Variants in ACTN4 observed in about 807,000 individuals in gnomAD.
The protein encoded by ACTN4 is alpha-actinin-4.
Under a neutral mutation model 114.2 loss-of-function variants are expected in ACTN4, and 18 were observed. That is an observed-to-expected ratio of 0.16 (90% CI 0.11 to 0.23). The LOEUF (loss-of-function observed/expected upper bound fraction) is 0.23, where lower values mean the gene tolerates loss of function less well. ACTN4 is among the 10% of genes least tolerant of loss of function. The probability of loss-of-function intolerance (pLI) is 1.00; values close to 1 mark genes in which losing one functional copy is unlikely to be tolerated. For synonymous variants in ACTN4, 515 were observed against 506.3 expected (o/e 1.02, Z -0.23); for missense variants, 722 against 1,262.9 (o/e 0.57, Z 6.49).
Position 38,730,686 on chromosome 19 carries a change from G to A in ACTN4, c.*1254G>A, listed in dbSNP as rs1185513058. ...GTCGCTGTTCTTGTTTCTGAGTGAG[G>A]AGTACGCAGGCCAGAGTGGTCACCC... On this transcript the variant is annotated 3_prime_UTR_variant, in exon 21 of 21. Coordinates refer to ENST00000252699, the MANE Select transcript of ACTN4 (RefSeq NM_004924.6). The A allele has an allele frequency of 8.2e-6, 6 of 733,716 alleles. No homozygotes were observed. In the East Asian group the frequency reaches 1.3e-4, roughly 16 times the overall value. The allele number at this position is 733,716 out of a possible 1,614,324, so 45.5% of individuals were successfully genotyped here. A position where few individuals can be genotyped will look rare whatever the true frequency, so the allele number is the denominator to read the frequency against.
At chr19:38,706,364 C>T (rs905512450) in intron 5 of ACTN4, among the ~76,000 whole-genome samples, 4 of 152,218 alleles carry the variant, frequency 2.6e-5, no homozygotes, top group South Asian at 2.1e-4. Flanking sequence ...GCCCTCTCGC[C>T]GGCCTAATAG....
intron 5 of ACTN4, among the ~76,000 whole-genome samples, chr19:38,707,270 C>T (rs1230602939): frequency 2.6e-5 from 4 of 151,612 alleles, no homozygotes; most frequent in Non-Finnish European, 5.9e-5. Context: ...CTAGCATGCC[C>T]GCTGCATGCC....
intron 4 of ACTN4, 40 bp from the exon 5 acceptor site, chr19:38,706,004 A>G (rs751578535): frequency 6.2e-7 from 1 of 1,608,432 alleles, no homozygotes; most frequent in African/African-American, 1.3e-5. Context: ...CTGAGGGTTT[A>G]TTTTTGAGCC....
intron 16 of ACTN4, among the ~76,000 whole-genome samples, chr19:38,725,374 C>CT (rs1455637861): frequency 6.6e-6 from 1 of 152,256 alleles, no homozygotes; most frequent in African/African-American, 2.4e-5. Context: ...AACTCTGCCT[C>CT]TAACAGCACT....
chr19:38,648,404 T>C (rs1488920916), intron 1 of ACTN4: 1 of 151,200 alleles, frequency 6.6e-6, no homozygotes, highest in East Asian at 2.0e-4. Context: ...AGATTGGAAT[T>C]GGGGGAGCCT....
intron 19 of ACTN4, chr19:38,728,489 G>A (rs946511426): frequency 1.9e-5 from 14 of 725,680 alleles, no homozygotes; most frequent in African/African-American, 6.8e-5. Flanking sequence ...GAGCTTCCTC[G>A]TCCTCGGGGA....
Position 38,681,598 on chromosome 19 carries a change from C to T in ACTN4, c.163-19002C>T, listed in dbSNP as rs115409754. Among the ~76,000 whole-genome samples, 598 of 152,342 alleles carry T rather than the reference C, an allele frequency of 3.9e-3. 4 individuals carry two copies. The highest frequency in any genetic ancestry group is 0.014 in the African/African-American group (566 of 41,578). The stretch of plus-strand genomic sequence containing the variant: ...GGTCACCACTGATCGCAATCGCGCT[C>T]TCCTTTCAAGGCCCAGATCAGGTGT... On this transcript the variant is annotated intron_variant, in intron 1 of 20. Coordinates refer to ENST00000252699, the MANE Select transcript of ACTN4 (RefSeq NM_004924.6).
intron 1 of ACTN4, among the ~76,000 whole-genome samples, chr19:38,689,141 G>T (rs1199226275): frequency 1.3e-5 from 2 of 152,140 alleles, no homozygotes; most frequent in African/African-American, 2.4e-5. Flanking sequence ...AATATTCACG[G>T]TGGTGCTAAT....
intron 1 of ACTN4, among the ~76,000 whole-genome samples, chr19:38,667,946 T>C (rs1398223415): frequency 1.3e-5 from 2 of 152,208 alleles, no homozygotes; most frequent in Non-Finnish European, 2.9e-5. Flanking sequence ...ATGCAAAATA[T>C]GCAAGCTGGC....
intron 1 of ACTN4, among the ~76,000 whole-genome samples, chr19:38,657,610 G>A (rs1976749645): frequency 6.6e-6 from 1 of 152,178 alleles, no homozygotes; most frequent in Non-Finnish European, 1.5e-5. Flanking sequence ...GGGGACTGCA[G>A]GAAGTGAAAT....
chr19:38,657,296 C>G (rs1976740595), intron 1 of ACTN4, among the ~76,000 whole-genome samples: 1 of 152,116 alleles, frequency 6.6e-6, no homozygotes, highest in Non-Finnish European at 1.5e-5. Context: ...GCGCGCGCCA[C>G]GACGCCCAGC....
At chr19:38,704,412 A>G (rs1015637473) in intron 3 of ACTN4, among the ~76,000 whole-genome samples, 12 of 152,206 alleles carry the variant, frequency 7.9e-5, no homozygotes, top group African/African-American at 2.9e-4. Context: ...CTTGGTGGAG[A>G]GTGTCGGCAG....
Position 38,724,574 on chromosome 19 carries a change from C to T in ACTN4, c.2010+9C>T, listed in dbSNP as rs202218981. Reference sequence around the variant, plus strand: ...TCCAGACCAAGATGGAGGTGAGGCACGGCTGAGCCCCACAGAGCTGAGAAG... The same window carrying T: ...TCCAGACCAAGATGGAGGTGAGGCATGGCTGAGCCCCACAGAGCTGAGAAG... On this transcript the variant is annotated intron_variant, in intron 16 of 20. Transcript: ENST00000252699. This position sits in a 1 kb window ranked among gnomAD's most constrained non-coding sequence, Gnocchi z 7.0. 295 of 1,613,328 alleles carry T rather than the reference C, an allele frequency of 1.8e-4. 1 individual carries two copies. Among genetic ancestry groups the T allele is most frequent in the East Asian group, 1.8e-4 (8 of 44,876 alleles).
intron 1 of ACTN4, among the ~76,000 whole-genome samples, chr19:38,673,456 CATATATATTTATATATATTTAT>C (rs1386416256): frequency 5.6e-5 from 4 of 71,774 alleles, no homozygotes; most frequent in East Asian, 8.0e-4. Flanking sequence ...TATATATATT[CATATATATTTATATATATTTAT>C]ATATATATTC....
rs375444554 is a variant in ACTN4, at chr19:38,726,932, C to A, written c.2191-25C>A. On this transcript the variant is annotated intron_variant, in intron 17 of 20. Coordinates refer to ENST00000252699, the MANE Select transcript of ACTN4 (RefSeq NM_004924.6). The stretch of plus-strand genomic sequence containing the variant: ...AGGACAGTTCACAGCACCCGGCCCA[C>A]GATCACGCCCCCGTCTTTCCGCAGC... 1.2e-5 allele frequency: 19 copies of A among 1,613,026 alleles called. No individual in the cohort carries two copies. In the East Asian group the frequency reaches 4.0e-4, roughly 34 times the overall value.
intron 1 of ACTN4, among the ~76,000 whole-genome samples, chr19:38,656,361 T>C (rs1976712002): frequency 6.6e-6 from 1 of 152,106 alleles, no homozygotes; most frequent in South Asian, 2.1e-4. Flanking sequence ...ATTACAGGTG[T>C]GAGTCACCAC....
intron 1 of ACTN4, among the ~76,000 whole-genome samples, chr19:38,694,523 G>T (rs1375811123): frequency 1.3e-5 from 2 of 152,090 alleles, no homozygotes; most frequent in Admixed American, 1.3e-4. Context: ...GCCTCCCAAA[G>T]TGCTGGGATT....
chr19:38,658,717 C>T (rs1408264374), intron 1 of ACTN4, among the ~76,000 whole-genome samples: 1 of 152,170 alleles, frequency 6.6e-6, no homozygotes, highest in Non-Finnish European at 1.5e-5. Flanking sequence ...CAAGGGCAGT[C>T]AGATGAATCG....
intron 1 of ACTN4, among the ~76,000 whole-genome samples, chr19:38,667,612 C>T (rs749380911): frequency 2.6e-5 from 4 of 150,982 alleles, no homozygotes; most frequent in African/African-American, 4.9e-5. Flanking sequence ...CCAAAGGCAG[C>T]GTGGTAAGTT....
Sources: gnomAD v4.1 joint callset for allele counts (sites outside exome capture counted in the v4.1 genomes callset) on GRCh38, gnomAD v4.1.1 for gene constraint, Gnocchi (gnomAD v3.1) non-coding constraint, MANE v1.5 for transcripts, NCBI Gene and HGNC (gene_info 2026-07-23, HGNC 2026-07-21) for gene names.